The following SV2C variants were observed in gnomAD, a reference collection of about 807,000 sequenced individuals.
SV2C encodes the protein synaptic vesicle glycoprotein 2C.
In SV2C, 49 loss-of-function variants were observed where a neutral mutation model predicts 79.7. The ratio of observed to expected loss-of-function variants is 0.61; its 90% CI spans 0.49 to 0.78. The LOEUF (loss-of-function observed/expected upper bound fraction) is 0.78. Ranked by LOEUF, SV2C falls within the 30% of genes least tolerant of loss-of-function variation. The pLI is 0.00. For missense variants in SV2C, 833 were observed against 912.9 expected, an observed-to-expected ratio of 0.91 and a Z score of 1.13; for synonymous variants, 334 against 333.2, an observed-to-expected ratio of 1.00 and a Z score of -0.03.
chr5:76,217,000 C>T lies in SV2C; in HGVS notation c.913+7113C>T, dbSNP rs574973475. Among the ~76,000 whole-genome samples the T allele has an allele frequency of 1.1e-3, 168 of 152,330 alleles. 1 individual carries two copies. The highest frequency in any genetic ancestry group is 1.7e-3 in the Non-Finnish European group (117 of 68,034). ...ATGAGGTGTTCTCCCCTGCTGTGTG[C>T]ATTACAGTGTGTAGCAAAGGTGTTC... is the stretch of plus-strand genomic sequence containing the variant. On this transcript the variant is annotated intron_variant, in intron 4 of 12. Transcript: ENST00000502798.
intron 1 of SV2C, among the ~76,000 whole-genome samples, chr5:76,114,658 C>T (rs1004459997): frequency 8.5e-5 from 13 of 152,322 alleles, no homozygotes; most frequent in African/African-American, 3.1e-4. Context: ...CTTCTTTGAG[C>T]TTTCTTTTGT....
At chr5:75,999,375 A>AAGAG in the SV2C span, among the ~76,000 whole-genome samples, 14,537 of 134,060 alleles carry the variant, frequency 0.11, 749 homozygotes, top group East Asian at 0.17. Context: ...GGGAGGGAGA[A>AAGAG]AGAGAGAGAG....
At chr5:76,344,030 G>T (rs1364062053) in intron 12 of SV2C, among the ~76,000 whole-genome samples, 1 of 151,828 alleles carries the variant, frequency 6.6e-6, no homozygotes, top group Non-Finnish European at 1.5e-5. Flanking sequence ...AATAACAACC[G>T]CAACAACAAA....
At chr5:76,155,800 C>T (rs983668813) in intron 2 of SV2C, among the ~76,000 whole-genome samples, 1 of 151,892 alleles carries the variant, frequency 6.6e-6, no homozygotes, top group African/African-American at 2.4e-5. Flanking sequence ...ACCATTGTCT[C>T]CATCTGCAGT....
chr5:75,898,266 C>A, the SV2C span, among the ~76,000 whole-genome samples: 1 of 152,046 alleles, frequency 6.6e-6, no homozygotes, highest in Non-Finnish European at 1.5e-5. Context: ...TTATTGAGAG[C>A]TTTTAGCATG....
intron 4 of SV2C, among the ~76,000 whole-genome samples, chr5:76,254,928 A>G (rs1161702046): frequency 4.6e-5 from 7 of 152,188 alleles, no homozygotes; most frequent in Non-Finnish European, 7.3e-5. Flanking sequence ...GGTACAAATG[A>G]GACTCTAAGT....
At chr5:76,233,347 A>C (rs1745497734) in intron 4 of SV2C, among the ~76,000 whole-genome samples, 1 of 139,444 alleles carries the variant, frequency 7.2e-6, no homozygotes, top group East Asian at 2.0e-4. Context: ...GGGCTGAGAC[A>C]ATGGGGTTTT....
chr5:76,326,436 C>T lies in SV2C; in HGVS notation c.*889C>T, dbSNP rs2112567854. ...CCTACCTGATTCTGCCACTTACCCA[C>T]ACTGTCTCTAGTCTAGAGATTGCCA... On this transcript the variant is annotated 3_prime_UTR_variant, in exon 13 of 13. Transcript: ENST00000502798. The T allele has an allele frequency of 6.6e-6, 1 of 152,354 alleles. No homozygotes were observed. Among genetic ancestry groups the T allele is most frequent in the Middle Eastern group, 3.4e-3 (1 of 294 alleles). The allele number at this position is 152,354 out of a possible 1,614,324, so 9.4% of individuals were successfully genotyped here.
the SV2C span, among the ~76,000 whole-genome samples, chr5:75,978,756 T>C: frequency 3.3e-5 from 5 of 152,186 alleles, no homozygotes; most frequent in African/African-American, 7.2e-5. Flanking sequence ...GTGAAAGATA[T>C]TTCAAGTAAA....
At position 76,085,397 on chromosome 5, in the gene SV2C, TAAATC is replaced by T. The variant is rs565910994; in HGVS notation, c.-102+1891_-102+1895del. On this transcript the variant is annotated intron_variant, in intron 1 of 12. Coordinates refer to ENST00000502798, the MANE Select transcript of SV2C (RefSeq NM_014979.4). The stretch of plus-strand genomic sequence containing the variant: ...TAACGCATTCTCTGGTGGAAAATAA[TAAATC>T]AAATCCACGATCCATTTTATTCTTT... 3.3e-4 allele frequency among the ~76,000 whole-genome samples: 51 copies of T among 152,298 alleles called. No individual in the cohort carries two copies. The South Asian group carries it at 9.1e-3, about 27-fold the overall frequency.
chr5:76,340,807 G>T (rs1424216533), intron 12 of SV2C, among the ~76,000 whole-genome samples: 1 of 151,986 alleles, frequency 6.6e-6, no homozygotes, highest in Non-Finnish European at 1.5e-5. Context: ...ACGAGGTCTT[G>T]GTATGTTGTC....
At chr5:75,926,336 A>G in the SV2C span, among the ~76,000 whole-genome samples, 19,195 of 152,260 alleles carry the variant, frequency 0.13, 1,270 homozygotes, top group Middle Eastern at 0.15. Flanking sequence ...CAAATATAAT[A>G]AAACATTTTT....
At chr5:76,142,334 G>C (rs1749280552) in intron 2 of SV2C, among the ~76,000 whole-genome samples, 1 of 152,064 alleles carries the variant, frequency 6.6e-6, no homozygotes, top group Admixed American at 6.6e-5. Flanking sequence ...TTACTGTAAG[G>C]AATTTGCTTA....
At chr5:76,184,341 C>A (rs139789264) in intron 2 of SV2C, among the ~76,000 whole-genome samples, 1 of 152,260 alleles carries the variant, frequency 6.6e-6, no homozygotes, top group East Asian at 1.9e-4. Flanking sequence ...TTGCAAGATG[C>A]CTGGTTTATA....
intron 1 of SV2C, among the ~76,000 whole-genome samples, chr5:76,097,113 A>G (rs781328725): frequency 6.6e-6 from 1 of 152,126 alleles, no homozygotes; most frequent in Admixed American, 6.5e-5. Flanking sequence ...CCAAAGACCT[A>G]CAGTGCACAA....
intron 4 of SV2C, among the ~76,000 whole-genome samples, chr5:76,260,128 C>T (rs186920132): frequency 9.1e-4 from 139 of 152,194 alleles, no homozygotes; most frequent in African/African-American, 3.3e-3. Flanking sequence ...TTTTAATGAT[C>T]GCCATTCTAA....
In SV2C at chr5:76,353,041, A is replaced by G; in HGVS notation, c.2001-89A>G. On this transcript the variant is annotated intron_variant, in intron 12 of 12. Transcript: ENST00000322285. ...CTCACTATAATCTTAACTGGGCTCA[A>G]GTGATCCTCTTGCCTCTGCCACCCC... The G allele has an allele frequency of 6.5e-5, 29 of 444,506 alleles. 2 individuals are homozygous for G. The highest frequency in any genetic ancestry group is 4.6e-4 in the South Asian group (29 of 62,584). 27.5% of individuals were successfully genotyped at this position (444,506 alleles called of 1,614,324 possible).
At chr5:76,225,443 G>T (rs945632362) in intron 4 of SV2C, among the ~76,000 whole-genome samples, 2 of 152,218 alleles carry the variant, frequency 1.3e-5, no homozygotes, top group East Asian at 3.8e-4. Context: ...TTGCAAAGAG[G>T]TTGGAAAACA....
chr5:76,032,302 A>G, the SV2C span, among the ~76,000 whole-genome samples: 5 of 151,992 alleles, frequency 3.3e-5, no homozygotes, highest in Non-Finnish European at 7.4e-5. Flanking sequence ...CACAATGTGC[A>G]GTTAGTTACA....
Sources: gnomAD v4.1 joint callset for allele counts (sites outside exome capture counted in the v4.1 genomes callset) on GRCh38, gnomAD v4.1.1 for gene constraint, MANE v1.5 for transcripts, NCBI Gene and HGNC (gene_info 2026-07-23, HGNC 2026-07-21) for gene names.